The following TECTA variants were observed in gnomAD, a reference collection of about 807,000 sequenced individuals.
TECTA encodes alpha-tectorin.
In TECTA, 128 loss-of-function variants were observed where a neutral mutation model predicts 216.8. The ratio of observed to expected loss-of-function variants is 0.59; its 90% CI spans 0.51 to 0.68. TECTA has a LOEUF of 0.68. Ranked by LOEUF, TECTA falls within the 30% of genes least tolerant of loss-of-function variation. The pLI is 0.00. For missense variants in TECTA, 2,551 were observed against 2,786.2 expected (o/e 0.92, Z 1.90); for synonymous variants, 1,089 against 1,117.1 (o/e 0.97, Z 0.50).
At chr11:121,107,105 A>G (rs1278520768) in intron 3 of TECTA, among the ~76,000 whole-genome samples, 1 of 152,244 alleles carries the variant, frequency 6.6e-6, no homozygotes, top group Non-Finnish European at 1.5e-5. Flanking sequence ...TCATTCTGAC[A>G]TCCTGAAACG....
chr11:121,128,028 ACTG>A lies in TECTA; in HGVS notation c.2054_2056del (p.Cys685del). The A allele has an allele frequency of 6.2e-7, 1 of 1,613,422 alleles. No individual in the cohort carries two copies. Among genetic ancestry groups the A allele is most frequent in the Non-Finnish European group, 8.5e-7 (1 of 1,179,796 alleles). ...CTGTGCGAGGAGGGCGGGGACGTCT[ACTG>A]CTTCAACAAGACCTGCGGCAGCGGG... On this transcript the variant is annotated inframe_deletion, in exon 9 of 24. Transcript: ENST00000392793.
chr11:121,165,483 A>T, intron 17 of TECTA, 100 bp downstream of exon 17: 2 of 952,150 alleles, frequency 2.1e-6, no homozygotes, highest in Non-Finnish European at 3.2e-6. Context: ...GCTTTCCCAA[A>T]TAGTGAAGCT....
intron 2 of TECTA, among the ~76,000 whole-genome samples, chr11:121,103,536 T>C (rs1168205164): frequency 6.6e-6 from 1 of 152,032 alleles, no homozygotes; most frequent in Non-Finnish European, 1.5e-5. Flanking sequence ...GGCCCTTGAC[T>C]TCAACCTCCT....
chr11:121,189,637 G>A, intron 22 of TECTA, 127 bp from the exon 23 acceptor site: 2 of 865,064 alleles, frequency 2.3e-6, no homozygotes, highest in Non-Finnish European at 3.9e-6. Flanking sequence ...GCCTCCCAAA[G>A]TGCTGGGATT....
intron 10 of TECTA, 45 bp from the exon 11 acceptor site, chr11:121,137,376 C>A (rs746731150): frequency 1.2e-6 from 2 of 1,613,374 alleles, no homozygotes; most frequent in Admixed American, 3.3e-5. Flanking sequence ...CTGTCTCTGA[C>A]TTTTGTCCTT....
At position 121,105,184 on chromosome 11, in the gene TECTA, A is replaced by G. The variant is rs1330179639; in HGVS notation, c.65-647A>G. Among the ~76,000 whole-genome samples the G allele has an allele frequency of 6.6e-6, 1 of 152,134 alleles. No individual in the cohort carries two copies. Among genetic ancestry groups the G allele is most frequent in the Non-Finnish European group, 1.5e-5 (1 of 68,026 alleles). Reference sequence around the variant, plus strand: ...AGAGCCCTGCAATTCATTCTCTCCAAAGAGTTCTCAAGGACCCAACCCTCT... The same window carrying G: ...AGAGCCCTGCAATTCATTCTCTCCAGAGAGTTCTCAAGGACCCAACCCTCT... On this transcript the variant is annotated intron_variant, in intron 2 of 23. Coordinates refer to ENST00000392793, the MANE Select transcript of TECTA (RefSeq NM_005422.4). The surrounding 1 kb of genome is among the most constrained non-coding windows in gnomAD (Gnocchi z 5.3).
chr11:121,145,907 A>C lies in TECTA; in HGVS notation c.3896A>C (p.Gln1299Pro). The change falls in exon 12 of 24, where the codon CAG (glutamine) becomes CCG (proline). Residue 1299 changes from glutamine to proline, a missense_variant. By Grantham distance (76) the Gln-to-Pro change is moderately conservative. Around this residue, in one of 3 missense-constraint regions of TECTA, gnomAD observed 2,375 missense variants for 2,563.9 expected, o/e 0.93. Coordinates refer to ENST00000392793, the MANE Select transcript of TECTA (RefSeq NM_005422.4). Reference protein sequence around the residue: ...AKVEGFSKVQQLCSLIPNQNA... With the variant: ...AKVEGFSKVQPLCSLIPNQNA... ...GTGGAAGGTTTCTCCAAAGTGCAGC[A>C]GCTGTGCAGCCTGATCCCCAACCAG... 1 of 1,614,254 alleles carries C rather than the reference A, an allele frequency of 6.2e-7. No homozygotes were observed. The highest frequency in any genetic ancestry group is 8.5e-7 in the Non-Finnish European group (1 of 1,180,042).
Position 121,145,722 on chromosome 11 carries a change from C to A in TECTA, c.3711C>A (p.Thr1237=), listed in dbSNP as rs1437729173. 1.9e-6 allele frequency: 3 copies of A among 1,614,124 alleles called. No homozygotes were observed. The highest frequency in any genetic ancestry group is 2.5e-6 in the Non-Finnish European group (3 of 1,180,054). ...ITVPRSMQNS[T]YGLCGRYNGN... ...TCCCTCGGAGCATGCAGAACAGCAC[C>A]TATGGTCTGTGTGGCCGCTACAACG... The change falls in exon 12 of 24, where the codon ACC becomes ACA. Residue 1237 remains threonine (T), a synonymous_variant. Coordinates refer to ENST00000392793, the MANE Select transcript of TECTA (RefSeq NM_005422.4).
At chr11:121,129,073 G>A (rs985347314) in intron 9 of TECTA, among the ~76,000 whole-genome samples, 1 of 152,198 alleles carries the variant, frequency 6.6e-6, no homozygotes, top group African/African-American at 2.4e-5. Flanking sequence ...AGCCAACACA[G>A]TACTGCCCAA....
intron 6 of TECTA, among the ~76,000 whole-genome samples, chr11:121,114,319 C>G (rs1229604391): frequency 6.6e-6 from 1 of 152,174 alleles, no homozygotes; most frequent in Non-Finnish European, 1.5e-5. Context: ...GTAGTTGAAC[C>G]TGGGTGGATG....
chr11:121,120,308 G>A lies in TECTA; in HGVS notation c.1203+1590G>A, dbSNP rs189903076. Among the ~76,000 whole-genome samples, 376 of 152,284 alleles carry A rather than the reference G, an allele frequency of 2.5e-3. 3 individuals are homozygous for A. The highest frequency in any genetic ancestry group is 8.9e-3 in the African/African-American group (368 of 41,562). ...CAGGGCGATGTGGGTGAATGTAAAT[G>A]TTTCAGAAAGAAAAGGTTATGTGAC... On this transcript the variant is annotated intron_variant, in intron 7 of 23. Transcript: ENST00000392793.
At chr11:121,190,535 T>C (rs997466566) in intron 23 of TECTA, among the ~76,000 whole-genome samples, 171 bp from the exon 24 acceptor site, 1 of 152,236 alleles carries the variant, frequency 6.6e-6, no homozygotes, top group Non-Finnish European at 1.5e-5. Context: ...AGTAGGACTC[T>C]CTTAAGATTG....
At chr11:121,131,079 T>A (rs1265605817) in intron 10 of TECTA, among the ~76,000 whole-genome samples, 1 of 151,936 alleles carries the variant, frequency 6.6e-6, no homozygotes, top group Non-Finnish European at 1.5e-5. Flanking sequence ...CCGGGCGTGG[T>A]GGCGGGGGCC....
chr11:121,125,793 C>A lies in TECTA; in HGVS notation c.1695C>A (p.Cys565Ter), dbSNP rs1425326132. Reference sequence around the variant, plus strand: ...TGAGGGACAATGGCACGCTCCTCTGCCAAGCCATCCAGGCCTATGCTCTTG... The same window carrying A: ...TGAGGGACAATGGCACGCTCCTCTGACAAGCCATCCAGGCCTATGCTCTTG... Reference protein sequence around the residue: ...CSVRDNGTLLCQAIQAYALVC... With the variant: ...CSVRDNGTLL Residue 565 changes from cysteine (C) to a stop codon, truncating the protein, a stop_gained, in exon 8 of 24, where the codon TGC (cysteine) becomes TGA (stop). Coordinates refer to ENST00000392793, the MANE Select transcript of TECTA (RefSeq NM_005422.4). LOFTEE classifies it high-confidence loss of function. 2 of 1,613,960 alleles carry A rather than the reference C, an allele frequency of 1.2e-6. No individual in the cohort carries two copies. The highest frequency in any genetic ancestry group is 1.7e-6 in the Non-Finnish European group (2 of 1,180,046).
intron 10 of TECTA, among the ~76,000 whole-genome samples, chr11:121,133,732 C>T (rs1591447260): frequency 6.6e-6 from 1 of 152,160 alleles, no homozygotes. Flanking sequence ...TGGTTTTTCT[C>T]ATGGAATCAC....
intron 7 of TECTA, 74 bp from the exon 8 acceptor site, chr11:121,125,228 C>G (rs1946596273): frequency 2.0e-6 from 3 of 1,491,892 alleles, no homozygotes; most frequent in Non-Finnish European, 1.8e-6. Context: ...CTTTGCCTTC[C>G]TTTCCTGATC....
At chr11:121,129,589 A>G in intron 9 of TECTA, 49 bp from the exon 10 acceptor site, 1 of 1,589,224 alleles carries the variant, frequency 6.3e-7, no homozygotes, top group Non-Finnish European at 8.6e-7. Flanking sequence ...AGGAAATGGA[A>G]AGTGCTCTGT....
intron 10 of TECTA, 149 bp from the exon 11 acceptor site, chr11:121,137,272 A>G (rs1946738477): frequency 9.4e-7 from 1 of 1,064,858 alleles, no homozygotes; most frequent in Admixed American, 1.7e-5. Context: ...ACATGCATGC[A>G]CAAATGCATG....
In TECTA at chr11:121,127,703, T is replaced by G. The variant is rs1265024364; in HGVS notation, c.1775-49T>G. 3 of 1,604,930 alleles carry G rather than the reference T, an allele frequency of 1.9e-6. No homozygotes were observed. Among genetic ancestry groups the G allele is most frequent in the African/African-American group, 2.7e-5 (2 of 74,718 alleles). On this transcript the variant is annotated intron_variant, in intron 8 of 23. Coordinates refer to ENST00000392793, the MANE Select transcript of TECTA (RefSeq NM_005422.4). This position sits in a 1 kb window ranked among gnomAD's most constrained non-coding sequence, Gnocchi z 5.0. ...CGTTAAGATTCTGGCGGGTTAGCAC[T>G]CCGGGTCCATTCACCTTGTTATCGG...
Sources: gnomAD v4.1 joint callset for allele counts (sites outside exome capture counted in the v4.1 genomes callset) on GRCh38, gnomAD v4.1.1 for gene constraint, gnomAD v4.1.1 regional missense constraint, Gnocchi (gnomAD v3.1) non-coding constraint, MANE v1.5 for transcripts, NCBI Gene and HGNC (gene_info 2026-07-23, HGNC 2026-07-21) for gene names.